Variants in NOL4L observed in about 807,000 individuals in gnomAD.
NOL4L encodes the protein nucleolar protein 4-like.
Under a neutral mutation model 64.5 loss-of-function variants are expected in NOL4L, and 7 were observed. The observed-to-expected ratio is 0.11, with a 90% CI of 0.06 to 0.20. The LOEUF (loss-of-function observed/expected upper bound fraction) is 0.20, where lower values mean the gene tolerates loss of function less well. Ranked by LOEUF, NOL4L falls within the 10% of genes least tolerant of loss-of-function variation. The pLI, the probability that NOL4L is intolerant of heterozygous loss-of-function variation, is 1.00. For missense variants in NOL4L, 680 were observed against 967.1 expected, an observed-to-expected ratio of 0.70 and a Z score of 3.94; for synonymous variants, 413 against 401.0, an observed-to-expected ratio of 1.03 and a Z score of -0.36.
At chr20:32,496,398 T>G (rs185550091) in intron 4 of NOL4L, among the ~76,000 whole-genome samples, 1 of 152,298 alleles carries the variant, frequency 6.6e-6, no homozygotes. Context: ...TTTTTTTATA[T>G]TGCCTTGTTT....
intron 4 of NOL4L, among the ~76,000 whole-genome samples, chr20:32,498,712 G>A (rs1394497122): frequency 6.9e-6 from 1 of 145,190 alleles, no homozygotes; most frequent in East Asian, 2.1e-4. Context: ...GCATTGAGCT[G>A]TGATTGCACC....
chr20:32,469,871 A>G (rs1003632385), intron 5 of NOL4L, among the ~76,000 whole-genome samples: 15 of 152,200 alleles, frequency 9.9e-5, no homozygotes, highest in Admixed American at 2.0e-4. Flanking sequence ...GTGTGTCACA[A>G]GGCCAACGCT....
intron 4 of NOL4L, among the ~76,000 whole-genome samples, chr20:32,490,088 C>T (rs1376766434): frequency 7.0e-6 from 1 of 142,898 alleles, no homozygotes; most frequent in Non-Finnish European, 1.5e-5. Context: ...GGGATCATGC[C>T]ACTGCACTCC....
intron 10 of NOL4L, chr20:32,451,742 G>A (rs1260820843): frequency 6.5e-6 from 1 of 152,818 alleles, no homozygotes; most frequent in Non-Finnish European, 1.5e-5. Context: ...TCACAAGGCA[G>A]GCCCTGAGCT....
intron 1 of NOL4L, among the ~76,000 whole-genome samples, chr20:32,529,701 A>G (rs2018272835): frequency 6.6e-6 from 1 of 152,136 alleles, no homozygotes; most frequent in Non-Finnish European, 1.5e-5. Flanking sequence ...CCTAAGTGGT[A>G]ACCCTGGGAG....
chr20:32,544,119 C>T (rs1246485976), intron 1 of NOL4L, among the ~76,000 whole-genome samples: 1 of 152,032 alleles, frequency 6.6e-6, no homozygotes, highest in African/African-American at 2.4e-5. Flanking sequence ...CGGGTGACAC[C>T]ATCCAGAGGA....
intron 1 of NOL4L, chr20:32,535,534 C>A: frequency 4.2e-6 from 4 of 959,282 alleles, no homozygotes; most frequent in Non-Finnish European, 3.7e-6. Context: ...CTGGAACAGG[C>A]CTCACATATT....
At chr20:32,568,377 C>G (rs1322223679) in intron 1 of NOL4L, among the ~76,000 whole-genome samples, 1 of 152,156 alleles carries the variant, frequency 6.6e-6, no homozygotes, top group Non-Finnish European at 1.5e-5. Flanking sequence ...GGAGGAGACT[C>G]AGATTCACCC....
intron 5 of NOL4L, among the ~76,000 whole-genome samples, chr20:32,468,601 A>G (rs1430832947): frequency 6.6e-6 from 1 of 152,156 alleles, no homozygotes; most frequent in East Asian, 1.9e-4. Context: ...CACTTCCAGC[A>G]ATGAAAAACA....
intron 4 of NOL4L, among the ~76,000 whole-genome samples, chr20:32,482,013 G>C (rs1356419363): frequency 6.6e-6 from 1 of 151,562 alleles, no homozygotes; most frequent in African/African-American, 2.4e-5. Context: ...GGGATAAGTA[G>C]GGCTTTATCT....
rs2014251107 is a variant in NOL4L, at chr20:32,463,242, TG to T, written c.842-6848del. Among the ~76,000 whole-genome samples, 2 of 152,190 alleles carry T rather than the reference TG, an allele frequency of 1.3e-5. No homozygotes were observed. The highest frequency in any genetic ancestry group is 2.9e-5 in the Non-Finnish European group (2 of 68,006). On this transcript the variant is annotated intron_variant, in intron 5 of 10. Transcript: ENST00000621426. The surrounding 1 kb of genome is among the most constrained non-coding windows in gnomAD (Gnocchi z 5.8). Reference sequence around the variant, plus strand: ...GAGTTCTGGATGGACCCTCCACACCTGGAGCTGGAAGTGGAACCTAAGGGTG... The same window carrying T: ...GAGTTCTGGATGGACCCTCCACACCTGAGCTGGAAGTGGAACCTAAGGGTG...
At chr20:32,548,295 C>A (rs2018757363) in intron 1 of NOL4L, among the ~76,000 whole-genome samples, 1 of 152,186 alleles carries the variant, frequency 6.6e-6, no homozygotes, top group South Asian at 2.1e-4. Flanking sequence ...ATTCAAGATT[C>A]CCTAGTAACT....
At chr20:32,494,003 A>G (rs1376659087) in intron 4 of NOL4L, among the ~76,000 whole-genome samples, 1 of 152,184 alleles carries the variant, frequency 6.6e-6, no homozygotes, top group Non-Finnish European at 1.5e-5. Flanking sequence ...CTATAATCCC[A>G]GCACTTTGGG....
intron 1 of NOL4L, among the ~76,000 whole-genome samples, chr20:32,545,854 A>G (rs2018724833): frequency 6.7e-6 from 1 of 148,902 alleles, no homozygotes; most frequent in Non-Finnish European, 1.5e-5. Context: ...AGAGCAGGAT[A>G]TTTGGATTGC....
chr20:32,452,879 G>C lies in NOL4L; in HGVS notation c.1620+5C>G. Reference sequence around the variant, plus strand: ...GGCCCCTGTAGTGGCTGCGGTGGCAGGTACCTGTGAGGACTGGTAGATCTC... The same window carrying C: ...GGCCCCTGTAGTGGCTGCGGTGGCACGTACCTGTGAGGACTGGTAGATCTC... On this transcript the variant is annotated splice_donor_5th_base_variant and intron_variant, in intron 9 of 10. Transcript: ENST00000621426. 6.2e-7 allele frequency: 1 copy of C among 1,613,714 alleles called. No individual in the cohort carries two copies. The highest frequency in any genetic ancestry group is 2.2e-5 in the East Asian group (1 of 44,872).
intron 4 of NOL4L, among the ~76,000 whole-genome samples, chr20:32,482,893 C>A (rs181582464): frequency 2.7e-4 from 41 of 151,952 alleles, no homozygotes; most frequent in Admixed American, 2.7e-3. Flanking sequence ...CCCGCCCCGC[C>A]GCCAGAGAAC....
chr20:32,557,356 T>C (rs1381465385), intron 1 of NOL4L, among the ~76,000 whole-genome samples: 1 of 152,202 alleles, frequency 6.6e-6, no homozygotes, highest in East Asian at 1.9e-4. Context: ...ATTAGAACTT[T>C]CTCAACATCT....
Position 32,453,638 on chromosome 20 carries a change from C to A in NOL4L, c.1243G>T (p.Glu415Ter). The change falls in exon 7 of 11, where the codon GAG becomes TAG. Residue 415 changes from glutamate (E) to a stop codon, truncating the protein, a stop_gained. Coordinates refer to ENST00000621426, the MANE Select transcript of NOL4L (RefSeq NM_001256798.2). LOFTEE classifies it high-confidence loss of function. The surrounding 1 kb of genome is among the most constrained non-coding windows in gnomAD (Gnocchi z 5.6). ...DDDDDDHDDH[E>*]DNDKMNDSEG... ...GAGTCGTTCATCTTGTCATTGTCCT[C>A]ATGGTCATCGTGGTCATCGTCGTCA... 6.2e-7 allele frequency: 1 copy of A among 1,608,850 alleles called. No individual in the cohort carries two copies. Among genetic ancestry groups the A allele is most frequent in the East Asian group, 2.2e-5 (1 of 44,534 alleles).
intron 4 of NOL4L, among the ~76,000 whole-genome samples, chr20:32,496,845 C>T (rs909629040): frequency 5.3e-5 from 8 of 152,072 alleles, no homozygotes; most frequent in African/African-American, 1.9e-4. Context: ...ACCACCACAC[C>T]TGGCCTAGGA....
Sources: gnomAD v4.1 joint callset for allele counts (sites outside exome capture counted in the v4.1 genomes callset) on GRCh38, gnomAD v4.1.1 for gene constraint, Gnocchi (gnomAD v3.1) non-coding constraint, MANE v1.5 for transcripts, NCBI Gene and HGNC (gene_info 2026-07-23, HGNC 2026-07-21) for gene names.